CATSPERB: variants seen among roughly 807,000 people sequenced by gnomAD.
CATSPERB encodes the protein cation channel sperm-associated auxiliary subunit beta.
In CATSPERB, 93 loss-of-function variants were observed where a neutral mutation model predicts 128.3. The observed-to-expected ratio is 0.72, with a 90% CI of 0.61 to 0.86. The LOEUF (loss-of-function observed/expected upper bound fraction) is 0.86, where lower values mean the gene tolerates loss of function less well. CATSPERB is among the 40% of genes least tolerant of loss of function. The probability of loss-of-function intolerance (pLI) is 0.00; values close to 1 mark genes in which losing one functional copy is unlikely to be tolerated. For synonymous variants in CATSPERB, 381 were observed against 448.8 expected, an observed-to-expected ratio of 0.85 and a Z score of 1.91; for missense variants, 1,153 against 1,329.5, an observed-to-expected ratio of 0.87 and a Z score of 2.06.
At chr14:91,610,281 C>T (rs1203096024) in intron 21 of CATSPERB, among the ~76,000 whole-genome samples, 199 bp downstream of exon 21, 2 of 152,020 alleles carry the variant, frequency 1.3e-5, no homozygotes, top group African/African-American at 4.8e-5. Context: ...CACTAAGTTA[C>T]CAGGAAAAAT....
intron 10 of CATSPERB, among the ~76,000 whole-genome samples, chr14:91,690,921 A>T (rs1895458425): frequency 6.6e-6 from 1 of 152,250 alleles, no homozygotes; most frequent in Non-Finnish European, 1.5e-5. Context: ...TCATGATTTC[A>T]TTTGTGGTTT....
chr14:91,673,936 A>G (rs1895146056), intron 12 of CATSPERB, among the ~76,000 whole-genome samples: 1 of 152,072 alleles, frequency 6.6e-6, no homozygotes, highest in African/African-American at 2.4e-5. Flanking sequence ...ATATGAGCCC[A>G]GAAAACATTG....
chr14:91,720,106 T>TA (rs1214659807), intron 4 of CATSPERB, among the ~76,000 whole-genome samples: 8 of 152,068 alleles, frequency 5.3e-5, no homozygotes, highest in African/African-American at 1.9e-4. Context: ...TTGCTAAACT[T>TA]ACAATTCAAG....
chr14:91,722,552 T>C (rs1896052872), intron 4 of CATSPERB, among the ~76,000 whole-genome samples: 1 of 152,324 alleles, frequency 6.6e-6, no homozygotes, highest in East Asian at 1.9e-4. Context: ...TCATCACTTT[T>C]GGAGTGACTA....
Position 91,723,035 on chromosome 14 carries a change from TA to T in CATSPERB, c.309+13del, listed in dbSNP as rs1244157585. 4.0e-6 allele frequency: 6 copies of T among 1,492,066 alleles called. No homozygotes were observed. Among genetic ancestry groups the T allele is most frequent in the Non-Finnish European group, 3.6e-6 (4 of 1,121,950 alleles). 92.4% of individuals were successfully genotyped at this position (1,492,066 alleles called of 1,614,324 possible). A position where few individuals can be genotyped will look rare whatever the true frequency, so the allele number is the denominator to read the frequency against. On this transcript the variant is annotated intron_variant, in intron 4 of 26. Coordinates refer to ENST00000256343, the MANE Select transcript of CATSPERB (RefSeq NM_024764.4). ...GTTAATAACATATCACAGAGTAAGA[TA>T]AAATGTAATTACCAACGTTAAATTA...
rs774121935 is a variant in CATSPERB at position 91,725,083 on chromosome 14, G to C, written c.165C>G (p.Asn55Lys). Residue 55 changes from asparagine to lysine, a missense_variant, in exon 3 of 27, where the codon AAC becomes AAG. By Grantham distance (94) the Asn-to-Lys change is moderately conservative. Coordinates refer to ENST00000256343, the MANE Select transcript of CATSPERB (RefSeq NM_024764.4). ...EIIKLYLFLENLKIQCFFQTE... is the reference protein window; with the variant it reads ...EIIKLYLFLEKLKIQCFFQTE... ...ACATGCTATTAGTGGACCTTACCAAGTTTTCTAAGAAAAGATACAACTTGA... is the reference window on the plus strand; with the variant it reads ...ACATGCTATTAGTGGACCTTACCAACTTTTCTAAGAAAAGATACAACTTGA... 6.4e-7 allele frequency: 1 copy of C among 1,556,074 alleles called. No individual in the cohort carries two copies. The highest frequency in any genetic ancestry group is 8.7e-7 in the Non-Finnish European group (1 of 1,148,830).
intron 21 of CATSPERB, 137 bp downstream of exon 21, chr14:91,610,343 A>T (rs1450172497): frequency 7.7e-6 from 5 of 646,390 alleles, no homozygotes. Context: ...CCTCAAAATG[A>T]CATGAGGATT....
chr14:91,643,954 C>T, intron 15 of CATSPERB, among the ~76,000 whole-genome samples: 1 of 136,432 alleles, frequency 7.3e-6, no homozygotes, highest in East Asian at 2.0e-4. Flanking sequence ...GATCCCTTTA[C>T]CATTATGTAA....
chr14:91,603,965 A>ATTTTTTTTT (rs35843912), intron 22 of CATSPERB, among the ~76,000 whole-genome samples: 1 of 139,336 alleles, frequency 7.2e-6, no homozygotes, highest in Non-Finnish European at 1.5e-5. Context: ...AACTTCATCT[A>ATTTTTTTTT]TTTTTTTTTT....
chr14:91,605,049 C>A, intron 22 of CATSPERB: 3 of 1,197,554 alleles, frequency 2.5e-6, no homozygotes, highest in Non-Finnish European at 3.7e-6. Flanking sequence ...TTGAATGGGA[C>A]CTTGTCTTCC....
chr14:91,729,707 A>G (rs186771809), intron 1 of CATSPERB, among the ~76,000 whole-genome samples: 194 of 152,308 alleles, frequency 1.3e-3, no homozygotes, highest in South Asian at 8.5e-3. Flanking sequence ...AGAAAAAGAG[A>G]TGTGGCTCAG....
chr14:91,613,259 C>T lies in CATSPERB; in HGVS notation c.2401-2582G>A, dbSNP rs148837138. Among the ~76,000 whole-genome samples the T allele has an allele frequency of 5.8e-4, 88 of 152,130 alleles. 2 individuals carry two copies. In the East Asian group the frequency reaches 0.013, roughly 23 times the overall value. On this transcript the variant is annotated intron_variant, in intron 20 of 26. Coordinates refer to ENST00000256343, the MANE Select transcript of CATSPERB (RefSeq NM_024764.4). ...TAGGGATGATAAAACAAAAGTAGCA[C>T]AATCTTGACTATTGTTTAATTTAGG...
At chr14:91,687,033 A>G (rs1368526847) in intron 10 of CATSPERB, among the ~76,000 whole-genome samples, 1 of 152,186 alleles carries the variant, frequency 6.6e-6, no homozygotes, top group African/African-American at 2.4e-5. Context: ...CATACTTTGT[A>G]TATAGTATAA....
At position 91,661,137 on chromosome 14, in the gene CATSPERB, C is replaced by T. The variant is rs141039777; in HGVS notation, c.1288-1156G>A. Among the ~76,000 whole-genome samples, 1,363 of 152,248 alleles carry T rather than the reference C, an allele frequency of 9.0e-3. 16 individuals carry two copies. Among genetic ancestry groups the T allele is most frequent in the Middle Eastern group, 0.044 (13 of 294 alleles). On this transcript the variant is annotated intron_variant, in intron 14 of 26. Coordinates refer to ENST00000256343, the MANE Select transcript of CATSPERB (RefSeq NM_024764.4). ...TCAATTTTCACTCTTGCTTTGGGCC[C>T]TGCAAACATTACTGGTGAGCAGGGA...
chr14:91,589,501 G>A (rs764223990), intron 24 of CATSPERB, 33 bp downstream of exon 24: 12 of 1,590,624 alleles, frequency 7.5e-6, no homozygotes, highest in Non-Finnish European at 1.0e-5. Flanking sequence ...TTACTTATCA[G>A]ATAAAATAAT....
chr14:91,610,439 C>T, intron 21 of CATSPERB, 41 bp downstream of exon 21: 2 of 1,535,592 alleles, frequency 1.3e-6, no homozygotes, highest in Non-Finnish European at 8.9e-7. Context: ...AGTCACATAG[C>T]ATTGCTTCTT....
At chr14:91,586,238 A>G (rs532205628) in intron 26 of CATSPERB, among the ~76,000 whole-genome samples, 55 of 152,100 alleles carry the variant, frequency 3.6e-4, no homozygotes, top group Non-Finnish European at 7.5e-4. Context: ...CCACTCTTAG[A>G]GGTCCTTTCC....
chr14:91,665,030 C>T (rs571335024), intron 14 of CATSPERB, among the ~76,000 whole-genome samples: 1 of 151,720 alleles, frequency 6.6e-6, no homozygotes, highest in Non-Finnish European at 1.5e-5. Context: ...GCTGGGACCA[C>T]AGGAACGTGC....
chr14:91,675,292 C>T (rs1424040590), intron 11 of CATSPERB, among the ~76,000 whole-genome samples: 1 of 152,238 alleles, frequency 6.6e-6, no homozygotes, highest in Non-Finnish European at 1.5e-5. Flanking sequence ...ATTTTCCTGG[C>T]AGCTGCTGAG....
Sources: allele counts gnomAD v4.1 joint callset (sites outside exome capture counted in the v4.1 genomes callset), GRCh38; gene constraint gnomAD v4.1.1; transcripts MANE v1.5; gene names NCBI Gene and HGNC (gene_info 2026-07-23, HGNC 2026-07-21).